DCC: variants seen among roughly 807,000 people sequenced by gnomAD.
DCC encodes netrin receptor DCC.
DCC carries 58 observed loss-of-function variants against 172.5 expected under a neutral mutation model. The observed-to-expected ratio is 0.34, with a 90% CI of 0.27 to 0.42. The LOEUF (loss-of-function observed/expected upper bound fraction) is 0.42. Among genes scored for constraint, DCC ranks in the 10% least tolerant of loss-of-function variants. The pLI is 1.00. For missense variants in DCC, 1,740 were observed against 1,791.0 expected, an observed-to-expected ratio of 0.97 and a Z score of 0.51; for synonymous variants, 709 against 644.5, an observed-to-expected ratio of 1.10 and a Z score of -1.52.
chr18:53,175,909 A>G (rs892828646), intron 8 of DCC, among the ~76,000 whole-genome samples: 2 of 152,204 alleles, frequency 1.3e-5, no homozygotes, highest in Admixed American at 1.3e-4. Flanking sequence ...GAGGTATCAC[A>G]CTACCTGACT....
At chr18:52,366,841 C>T (rs944068445) in intron 1 of DCC, among the ~76,000 whole-genome samples, 1 of 152,262 alleles carries the variant, frequency 6.6e-6, no homozygotes, top group Non-Finnish European at 1.5e-5. Flanking sequence ...GCTAGCTTCA[C>T]CCAGTGGATC....
At chr18:53,511,595 G>A (rs992177828) in intron 27 of DCC, among the ~76,000 whole-genome samples, 1 of 152,204 alleles carries the variant, frequency 6.6e-6, no homozygotes, top group African/African-American at 2.4e-5. Flanking sequence ...GCAGGTCAGT[G>A]GGTGCGCACA....
chr18:52,911,910 A>G (rs1442289241), intron 3 of DCC, among the ~76,000 whole-genome samples: 1 of 152,038 alleles, frequency 6.6e-6, no homozygotes, highest in Non-Finnish European at 1.5e-5. Context: ...AAAATGAAGT[A>G]TATGATCTTA....
At chr18:53,288,289 CTATT>C (rs1330640920) in intron 12 of DCC, among the ~76,000 whole-genome samples, 1 of 151,994 alleles carries the variant, frequency 6.6e-6, no homozygotes, top group Non-Finnish European at 1.5e-5. Context: ...GAAATTTTAT[CTATT>C]GTTACCTAGG....
At chr18:52,526,707 G>A (rs2031991555) in intron 1 of DCC, among the ~76,000 whole-genome samples, 1 of 152,000 alleles carries the variant, frequency 6.6e-6, no homozygotes, top group Admixed American at 6.6e-5. Flanking sequence ...ATTTTATTGA[G>A]TACAATAGCT....
At chr18:53,093,448 A>ATT (rs2043042173) in intron 7 of DCC, among the ~76,000 whole-genome samples, 1 of 152,180 alleles carries the variant, frequency 6.6e-6, no homozygotes, top group Non-Finnish European at 1.5e-5. Flanking sequence ...TTGATTTGGG[A>ATT]AAATGATCAT....
chr18:53,102,489 G>GC (rs1490648057), intron 7 of DCC, among the ~76,000 whole-genome samples: 1 of 151,984 alleles, frequency 6.6e-6, no homozygotes, highest in East Asian at 1.9e-4. Flanking sequence ...TTATATAAAA[G>GC]CCCTCTGCCT....
Position 53,459,277 on chromosome 18 carries a change from G to A in DCC, c.3438G>A (p.Lys1146=). The A allele has an allele frequency of 6.2e-7, 1 of 1,614,118 alleles. No homozygotes were observed. Among genetic ancestry groups the A allele is most frequent in the African/African-American group, 1.3e-5 (1 of 75,034 alleles). The change falls in exon 24 of 29, where the codon AAG becomes AAA. Residue 1146 remains lysine, a synonymous_variant. Transcript: ENST00000442544. The stretch of plus-strand genomic sequence containing the variant: ...CTGGCAAAAGGAAGGGCAGCCAGAA[G>A]GACCTCCGACCCCCTGATCTTTGGA... The part of the protein sequence containing the change: ...HSAGKRKGSQ[K]DLRPPDLWIH...
chr18:53,295,714 G>A (rs1431183), intron 12 of DCC, among the ~76,000 whole-genome samples: 21,345 of 152,054 alleles, frequency 0.14, 2,165 homozygotes, highest in African/African-American at 0.28. Flanking sequence ...CCATTTGTTG[G>A]ATATCTGGTA....
intron 1 of DCC, among the ~76,000 whole-genome samples, chr18:52,690,624 G>A (rs1358144156): frequency 6.6e-6 from 1 of 152,118 alleles, no homozygotes; most frequent in African/African-American, 2.4e-5. Context: ...GAGATTGGCT[G>A]AGCAGTTATT....
At chr18:52,768,872 G>T (rs1290586609) in intron 2 of DCC, among the ~76,000 whole-genome samples, 1 of 152,182 alleles carries the variant, frequency 6.6e-6, no homozygotes, top group Admixed American at 6.5e-5. Flanking sequence ...TTAGAAAAGG[G>T]TGAGGGAGAA....
chr18:52,915,135 C>T (rs916194625), intron 3 of DCC, among the ~76,000 whole-genome samples: 1 of 152,070 alleles, frequency 6.6e-6, no homozygotes, highest in African/African-American at 2.4e-5. Flanking sequence ...AATTTAATTT[C>T]TCTGTGTCTC....
Position 53,339,599 on chromosome 18 carries a change from G to A in DCC, c.2165-114G>A, listed in dbSNP as rs186830417. On this transcript the variant is annotated intron_variant, in intron 14 of 28. Coordinates refer to ENST00000442544, the MANE Select transcript of DCC (RefSeq NM_005215.4). The stretch of plus-strand genomic sequence containing the variant: ...AAATAAAGAGTGACTTGGGCAATAG[G>A]TGATGCATTATTTATGCATCTATGA... 15 of 824,358 alleles carry A rather than the reference G, an allele frequency of 1.8e-5. No homozygotes were observed. In the East Asian group the frequency reaches 3.2e-4, roughly 17 times the overall value. The allele number at this position is 824,358 out of a possible 1,614,324, so 51.1% of individuals were successfully genotyped here. A position where few individuals can be genotyped will look rare whatever the true frequency, so the allele number is the denominator to read the frequency against.
At chr18:52,360,082 A>AT (rs1185972442) in intron 1 of DCC, among the ~76,000 whole-genome samples, 1 of 151,744 alleles carries the variant, frequency 6.6e-6, no homozygotes, top group African/African-American at 2.4e-5. Context: ...ATTGCTTTTT[A>AT]TTTTTTTGCA....
intron 2 of DCC, among the ~76,000 whole-genome samples, chr18:52,859,696 C>T (rs2039108840): frequency 6.6e-6 from 1 of 152,210 alleles, no homozygotes; most frequent in Admixed American, 6.5e-5. Context: ...TCTACATATG[C>T]TCTTCTGCCC....
At chr18:53,017,007 T>C (rs2041815652) in intron 5 of DCC, among the ~76,000 whole-genome samples, 1 of 152,122 alleles carries the variant, frequency 6.6e-6, no homozygotes, top group African/African-American at 2.4e-5. Context: ...TTTATTGAAG[T>C]TCTTACTCAC....
chr18:52,859,552 A>G (rs572735238), intron 2 of DCC, among the ~76,000 whole-genome samples: 19 of 152,292 alleles, frequency 1.2e-4, no homozygotes, highest in South Asian at 1.2e-3. Flanking sequence ...CCTGGATAGC[A>G]AAAGGTCTTG....
At chr18:52,896,304 A>G (rs1189412686) in intron 2 of DCC, among the ~76,000 whole-genome samples, 1 of 152,222 alleles carries the variant, frequency 6.6e-6, no homozygotes, top group Non-Finnish European at 1.5e-5. Context: ...CTTACATTAA[A>G]GTAAAACAAG....
chr18:53,364,762 C>T (rs1237619430), intron 15 of DCC, among the ~76,000 whole-genome samples: 1 of 152,072 alleles, frequency 6.6e-6, no homozygotes, highest in Non-Finnish European at 1.5e-5. Context: ...TACATTATTT[C>T]ATAAACTTGA....
Sources: gnomAD v4.1 joint callset for allele counts (sites outside exome capture counted in the v4.1 genomes callset) on GRCh38, gnomAD v4.1.1 for gene constraint, MANE v1.5 for transcripts, NCBI Gene and HGNC (gene_info 2026-07-23, HGNC 2026-07-21) for gene names.